The following HEMK2 variants were observed in gnomAD, a reference collection of about 807,000 sequenced individuals.
HEMK2 encodes the protein HemK methyltransferase 2, ETF1 glutamine and histone H4 lysine, also known as methyltransferase HEMK2.
chr21:28,706,228 T>G, the HEMK2 span, among the ~76,000 whole-genome samples: 2 of 152,244 alleles, frequency 1.3e-5, no homozygotes, highest in Non-Finnish European at 2.9e-5. Flanking sequence ...TCTGTTTTCA[T>G]CTAAAGATTT....
At chr21:28,616,370 T>G in the HEMK2 span, among the ~76,000 whole-genome samples, 2 of 152,210 alleles carry the variant, frequency 1.3e-5, no homozygotes, top group African/African-American at 4.8e-5. Context: ...ATTGGAAATA[T>G]GGACTTATAT....
chr21:28,767,740 T>C, the HEMK2 span, among the ~76,000 whole-genome samples: 1 of 152,106 alleles, frequency 6.6e-6, no homozygotes, highest in African/African-American at 2.4e-5. Flanking sequence ...TTGATGTGCC[T>C]TGGGGTAGGC....
the HEMK2 span, among the ~76,000 whole-genome samples, chr21:28,634,680 G>A: frequency 1.3e-5 from 2 of 152,098 alleles, no homozygotes; most frequent in Non-Finnish European, 2.9e-5. Flanking sequence ...GTGACTTACT[G>A]GTTATATGAA....
chr21:28,610,949 G>A, the HEMK2 span, among the ~76,000 whole-genome samples: 1 of 152,134 alleles, frequency 6.6e-6, no homozygotes, highest in Non-Finnish European at 1.5e-5. Flanking sequence ...CAATAATAGT[G>A]TGGGAATTTA....
the HEMK2 span, chr21:28,880,023 T>A: frequency 9.0e-7 from 1 of 1,111,082 alleles, no homozygotes; most frequent in Non-Finnish European, 1.3e-6. Context: ...AATTAATCTT[T>A]AAAAATAATC....
the HEMK2 span, among the ~76,000 whole-genome samples, chr21:28,593,955 A>T: frequency 6.6e-6 from 1 of 152,200 alleles, no homozygotes; most frequent in Non-Finnish European, 1.5e-5. Context: ...AACTTTCAAC[A>T]GCAAAATTTG....
chr21:28,619,818 G>T, the HEMK2 span, among the ~76,000 whole-genome samples: 4 of 152,146 alleles, frequency 2.6e-5, no homozygotes, highest in East Asian at 7.7e-4. Flanking sequence ...AGGATAGCAT[G>T]CAAATCAATA....
the HEMK2 span, among the ~76,000 whole-genome samples, chr21:28,715,143 G>A: frequency 6.6e-6 from 1 of 152,044 alleles, no homozygotes; most frequent in African/African-American, 2.4e-5. Context: ...ATATTCCTTT[G>A]GGTATATATC....
At chr21:28,836,647 G>A in the HEMK2 span, among the ~76,000 whole-genome samples, 1 of 152,088 alleles carries the variant, frequency 6.6e-6, no homozygotes. Context: ...GAATGCAATG[G>A]TACCTCACAT....
the HEMK2 span, among the ~76,000 whole-genome samples, chr21:28,880,160 A>G: frequency 3.9e-5 from 6 of 152,388 alleles, no homozygotes; most frequent in Admixed American, 3.9e-4. Context: ...AAACTATCAG[A>G]ATGAATATTA....
chr21:28,762,368 G>A, the HEMK2 span, among the ~76,000 whole-genome samples: 33 of 151,874 alleles, frequency 2.2e-4, no homozygotes, highest in Non-Finnish European at 3.4e-4. Context: ...TCCAAACCAT[G>A]GTCTACATTA....
At chr21:28,786,473 C>T in the HEMK2 span, among the ~76,000 whole-genome samples, 5 of 152,100 alleles carry the variant, frequency 3.3e-5, no homozygotes, top group Non-Finnish European at 7.4e-5. Flanking sequence ...CAGTTAGAGA[C>T]CAGCCTGGCC....
chr21:28,775,881 G>A, the HEMK2 span, among the ~76,000 whole-genome samples: 5 of 151,992 alleles, frequency 3.3e-5, no homozygotes, highest in African/African-American at 1.2e-4. Flanking sequence ...GCAAAGTGAA[G>A]TAAATGGAGG....
chr21:28,855,716 T>C, the HEMK2 span, among the ~76,000 whole-genome samples: 1 of 152,194 alleles, frequency 6.6e-6, no homozygotes, highest in Admixed American at 6.5e-5. Context: ...GAAAATCATA[T>C]AAAACCATGC....
the HEMK2 span, among the ~76,000 whole-genome samples, chr21:28,831,747 GAAAGAAAGAAAGAAAGAAAGAAAGAAAC>G: frequency 6.7e-6 from 1 of 148,182 alleles, no homozygotes; most frequent in African/African-American, 2.5e-5. Flanking sequence ...AAGAAAGAAA[GAAAGAAAGAAAGAAAGAAAGAAAGAAAC>G]AGTATCACCT....
chr21:28,781,376 G>A, the HEMK2 span, among the ~76,000 whole-genome samples: 1,656 of 152,086 alleles, frequency 0.011, 26 homozygotes, highest in African/African-American at 0.037. Context: ...TTGAGTAATT[G>A]GGCAAATGAG....
the HEMK2 span, among the ~76,000 whole-genome samples, chr21:28,651,326 A>T: frequency 6.6e-6 from 1 of 152,130 alleles, no homozygotes; most frequent in Admixed American, 6.5e-5. Flanking sequence ...ACTTAGCCAT[A>T]AGAAGAAACT....
the HEMK2 span, among the ~76,000 whole-genome samples, chr21:28,723,010 TA>T: frequency 0.013 from 1,845 of 142,724 alleles, 13 homozygotes; most frequent in African/African-American, 0.03. Flanking sequence ...TTTCTTTTAT[TA>T]AAAAAAAAAA....
At chr21:28,869,878 A>G in the HEMK2 span, among the ~76,000 whole-genome samples, 10 of 152,310 alleles carry the variant, frequency 6.6e-5, no homozygotes, top group Admixed American at 2.0e-4. Context: ...CCCAGTTCAC[A>G]TGAATTTAAA....
Sources: allele counts gnomAD v4.1 joint callset (sites outside exome capture counted in the v4.1 genomes callset), GRCh38; gene constraint gnomAD v4.1.1; transcripts MANE v1.5; gene names NCBI Gene and HGNC (gene_info 2026-07-23, HGNC 2026-07-21).